Variants in FILIP1L observed in about 807,000 individuals in gnomAD.
The protein encoded by FILIP1L is filamin A interacting protein 1 like.
A neutral mutation model predicts 96.6 loss-of-function variants in FILIP1L; 55 were observed. The observed-to-expected ratio is 0.57, with a 90% CI of 0.46 to 0.71. The LOEUF (loss-of-function observed/expected upper bound fraction) is 0.71, where lower values mean the gene tolerates loss of function less well. Among genes scored for constraint, FILIP1L ranks in the 30% least tolerant of loss-of-function variants. The pLI is 0.00. For missense variants in FILIP1L, 1,304 were observed against 1,321.2 expected (o/e 0.99, Z 0.20); for synonymous variants, 467 against 473.9 (o/e 0.99, Z 0.19).
At chr3:100,028,250 A>G (rs2064963480) in intron 1 of FILIP1L, among the ~76,000 whole-genome samples, 1 of 152,180 alleles carries the variant, frequency 6.6e-6, no homozygotes, top group South Asian at 2.1e-4. Context: ...CACTGAAGCT[A>G]AGTAATTTGC....
chr3:99,872,622 A>T (rs1278156931), intron 4 of FILIP1L, among the ~76,000 whole-genome samples: 1 of 152,094 alleles, frequency 6.6e-6, no homozygotes, highest in African/African-American at 2.4e-5. Context: ...AAAAAATTCT[A>T]TACTTAACAA....
At chr3:99,930,739 C>G (rs1260909307) in intron 2 of FILIP1L, 30 bp downstream of exon 2, 1 of 1,607,442 alleles carries the variant, frequency 6.2e-7, no homozygotes, top group South Asian at 1.1e-5. Flanking sequence ...CTGTTTGAAG[C>G]ATGATGGGGA....
chr3:99,969,571 G>T (rs1708753949), intron 1 of FILIP1L, among the ~76,000 whole-genome samples: 1 of 152,176 alleles, frequency 6.6e-6, no homozygotes, highest in African/African-American at 2.4e-5. Context: ...TATCCCAACT[G>T]GGTAAAGCAG....
chr3:99,853,135 T>C (rs1184538516), intron 4 of FILIP1L, among the ~76,000 whole-genome samples: 5 of 152,204 alleles, frequency 3.3e-5, no homozygotes, highest in Non-Finnish European at 5.9e-5. Flanking sequence ...TCTCAAATGG[T>C]CATGGGACTT....
chr3:99,975,340 G>A (rs986436963), intron 1 of FILIP1L, among the ~76,000 whole-genome samples: 1 of 152,166 alleles, frequency 6.6e-6, no homozygotes, highest in African/African-American at 2.4e-5. Flanking sequence ...ATGGTCAAAT[G>A]TTCTAGTGCA....
At chr3:99,873,093 ATAAGT>A (rs1705319024) in intron 4 of FILIP1L, among the ~76,000 whole-genome samples, 1 of 152,228 alleles carries the variant, frequency 6.6e-6, no homozygotes, top group Non-Finnish European at 1.5e-5. Context: ...CACTTTAAGC[ATAAGT>A]GACTGGGTTG....
intron 4 of FILIP1L, among the ~76,000 whole-genome samples, chr3:99,875,491 G>A (rs1421103870): frequency 6.6e-6 from 1 of 152,104 alleles, no homozygotes; most frequent in African/African-American, 2.4e-5. Flanking sequence ...TTACTTCCTT[G>A]TACAAATTGA....
At chr3:99,969,957 A>G (rs1708766231) in intron 1 of FILIP1L, among the ~76,000 whole-genome samples, 2 of 152,246 alleles carry the variant, frequency 1.3e-5, no homozygotes, top group South Asian at 4.1e-4. Flanking sequence ...ATGAAATTCA[A>G]CAAATGAGGC....
rs180727647 is a variant in FILIP1L at position 99,852,643 on chromosome 3, A to G, written c.606-1573T>C. On this transcript the variant is annotated intron_variant, in intron 4 of 5. Transcript: ENST00000477258. ...GTATTTTTAGTAGAGACAGGGTTTCACCATGTTGGCCAGGATGGTCTCGAT... is the reference window on the plus strand; with the variant it reads ...GTATTTTTAGTAGAGACAGGGTTTCGCCATGTTGGCCAGGATGGTCTCGAT... Among the ~76,000 whole-genome samples, 997 of 151,990 alleles carry G rather than the reference A, an allele frequency of 6.6e-3. 15 individuals carry two copies. The highest frequency in any genetic ancestry group is 0.023 in the African/African-American group (941 of 41,454).
chr3:99,848,089 A>C, intron 5 of FILIP1L: 1 of 1,375,626 alleles, frequency 7.3e-7, no homozygotes, highest in Non-Finnish European at 9.4e-7. Flanking sequence ...GAAAAGATAT[A>C]CAGTAAGTGC....
At chr3:100,062,847 TC>T (rs1052436306) in intron 1 of FILIP1L, among the ~76,000 whole-genome samples, 4 of 152,172 alleles carry the variant, frequency 2.6e-5, no homozygotes, top group African/African-American at 9.7e-5. Flanking sequence ...TGATGACTAG[TC>T]CCCCAACTCT....
rs1709327819 is a variant in FILIP1L at position 99,985,936 on chromosome 3, TG to T, written c.-10-54907del. Among the ~76,000 whole-genome samples, 3 of 152,168 alleles carry T rather than the reference TG, an allele frequency of 2.0e-5. No homozygotes were observed. In the South Asian group the frequency reaches 6.2e-4, roughly 32 times the overall value. On this transcript the variant is annotated intron_variant, in intron 1 of 5. Transcript: ENST00000477258. ...TGTTGGATATATTCATAAAACACAT[TG>T]GGGGTTAAAGTCAGTATGACCACAG...
intron 4 of FILIP1L, among the ~76,000 whole-genome samples, chr3:99,917,570 A>T (rs1706992268): frequency 6.6e-6 from 1 of 152,190 alleles, no homozygotes; most frequent in Non-Finnish European, 1.5e-5. Flanking sequence ...GCATTGGTCT[A>T]GATTGCTAGG....
At chr3:100,004,468 A>G (rs1052978531) in intron 1 of FILIP1L, among the ~76,000 whole-genome samples, 1 of 152,230 alleles carries the variant, frequency 6.6e-6, no homozygotes, top group East Asian at 1.9e-4. Context: ...GAAAAATCCA[A>G]TGAGGTCACC....
At chr3:99,907,541 C>T (rs1412872825) in intron 4 of FILIP1L, among the ~76,000 whole-genome samples, 10 of 152,236 alleles carry the variant, frequency 6.6e-5, no homozygotes, top group African/African-American at 1.4e-4. Flanking sequence ...GCCAACGCAC[C>T]TGGCGTACCC....
intron 1 of FILIP1L, among the ~76,000 whole-genome samples, chr3:99,997,829 T>G (rs959980170): frequency 3.9e-5 from 6 of 152,204 alleles, no homozygotes; most frequent in Non-Finnish European, 8.8e-5. Flanking sequence ...ATCTGGCAAT[T>G]TAACACATAA....
At chr3:100,071,088 CTCTTTTTTTTTTT>C (rs2065754312) in intron 1 of FILIP1L, among the ~76,000 whole-genome samples, 1 of 70,804 alleles carries the variant, frequency 1.4e-5, no homozygotes, top group East Asian at 4.8e-4. Flanking sequence ...AAGCTACTCT[CTCTTTTTTTTTTT>C]TTTTTTTTTT....
intron 1 of FILIP1L, among the ~76,000 whole-genome samples, chr3:99,953,244 C>A (rs1270801405): frequency 6.6e-6 from 1 of 152,092 alleles, no homozygotes; most frequent in Non-Finnish European, 1.5e-5. Flanking sequence ...ATTGGTTAAG[C>A]TATAACCAAT....
rs908454348 is a variant in FILIP1L, at chr3:99,867,779, T to C, written c.606-16709A>G. Reference sequence around the variant, plus strand: ...GTATACAAATTCACATGTCAAGAGATTTTATGGCTCATCAAGTCTCAATGG... The same window carrying C: ...GTATACAAATTCACATGTCAAGAGACTTTATGGCTCATCAAGTCTCAATGG... On this transcript the variant is annotated intron_variant, in intron 4 of 5. Transcript: ENST00000477258. Among the ~76,000 whole-genome samples, 7 of 152,154 alleles carry C rather than the reference T, an allele frequency of 4.6e-5. No homozygotes were observed. The South Asian group carries it at 1.0e-3, about 23-fold the overall frequency.
Sources: gnomAD v4.1 joint callset for allele counts (sites outside exome capture counted in the v4.1 genomes callset) on GRCh38, gnomAD v4.1.1 for gene constraint, MANE v1.5 for transcripts, NCBI Gene and HGNC (gene_info 2026-07-23, HGNC 2026-07-21) for gene names.